The following OXR1 variants were observed in gnomAD, a reference collection of about 807,000 sequenced individuals.
OXR1 encodes oxidation resistance 1, also known as oxidation resistance protein 1.
OXR1 carries 41 observed loss-of-function variants against 104.6 expected under a neutral mutation model. The observed-to-expected ratio is 0.39, with a 90% CI of 0.31 to 0.51. The LOEUF (loss-of-function observed/expected upper bound fraction) is 0.51. OXR1 is among the 20% of genes least tolerant of loss of function. The probability of loss-of-function intolerance (pLI) is 0.77; values close to 1 mark genes in which losing one functional copy is unlikely to be tolerated. For missense variants in OXR1, 955 were observed against 1,031.9 expected (o/e 0.93, Z 1.02); for synonymous variants, 348 against 348.4 (o/e 1.00, Z 0.01).
chr8:106,722,466 C>A (rs796494603), intron 11 of OXR1, among the ~76,000 whole-genome samples: 8 of 152,214 alleles, frequency 5.3e-5, no homozygotes, highest in African/African-American at 1.9e-4. Flanking sequence ...TAGGTACTGA[C>A]TTTCATAATA....
intron 16 of OXR1, among the ~76,000 whole-genome samples, chr8:106,748,261 A>G (rs1470790458): frequency 1.3e-5 from 2 of 152,194 alleles, no homozygotes; most frequent in South Asian, 2.1e-4. Context: ...TTGAACCTTA[A>G]CAAATGATGG....
chr8:106,728,207 T>C (rs1050286396), intron 11 of OXR1, among the ~76,000 whole-genome samples: 2 of 142,692 alleles, frequency 1.4e-5, no homozygotes, highest in African/African-American at 5.3e-5. Context: ...GCTCTTATGC[T>C]TCTAAACTGG....
chr8:106,349,828 C>A (rs2130303431), intron 1 of OXR1, among the ~76,000 whole-genome samples: 1 of 152,184 alleles, frequency 6.6e-6, no homozygotes, highest in Non-Finnish European at 1.5e-5. Flanking sequence ...TATAGAGGCA[C>A]AGGTGCACTC....
intron 2 of OXR1, among the ~76,000 whole-genome samples, chr8:106,449,453 T>A (rs532402005): frequency 1.3e-5 from 2 of 152,220 alleles, no homozygotes. Context: ...TATTGTTGAA[T>A]GTAGGCTACA....
At chr8:106,615,806 C>A (rs1289279580) in intron 3 of OXR1, among the ~76,000 whole-genome samples, 1 of 152,084 alleles carries the variant, frequency 6.6e-6, no homozygotes, top group Non-Finnish European at 1.5e-5. Flanking sequence ...CTATACATAG[C>A]GTGCTTGGCA....
At chr8:106,671,087 A>G (rs1262557216) in intron 3 of OXR1, among the ~76,000 whole-genome samples, 1 of 149,206 alleles carries the variant, frequency 6.7e-6, no homozygotes, top group East Asian at 1.9e-4. Context: ...CGTCCAAACT[A>G]AAGAAAAACT....
chr8:106,334,983 G>C (rs1814895870), intron 1 of OXR1, among the ~76,000 whole-genome samples: 1 of 151,722 alleles, frequency 6.6e-6, no homozygotes, highest in African/African-American at 2.4e-5. Context: ...TACCTCCCCT[G>C]CTTCTTCTGA....
chr8:106,722,805 T>C (rs1359772925), intron 11 of OXR1, among the ~76,000 whole-genome samples: 2 of 152,182 alleles, frequency 1.3e-5, no homozygotes. Context: ...ATCCCTGTCA[T>C]TATGTGATAT....
intron 1 of OXR1, among the ~76,000 whole-genome samples, chr8:106,307,119 C>T (rs570497535): frequency 6.6e-6 from 1 of 152,238 alleles, no homozygotes; most frequent in South Asian, 2.1e-4. Flanking sequence ...CATCAAGAAA[C>T]AGCATTTTAT....
At chr8:106,568,370 T>C (rs565444668) in intron 3 of OXR1, among the ~76,000 whole-genome samples, 7 of 152,158 alleles carry the variant, frequency 4.6e-5, no homozygotes, top group Non-Finnish European at 1.0e-4. Context: ...TTTTCTTATA[T>C]TCCATCATTT....
chr8:106,412,273 C>T (rs1017953639), intron 2 of OXR1, among the ~76,000 whole-genome samples: 2 of 152,028 alleles, frequency 1.3e-5, no homozygotes, highest in African/African-American at 4.8e-5. Context: ...CAGTTGTATT[C>T]AGTAGCACAA....
intron 3 of OXR1, among the ~76,000 whole-genome samples, chr8:106,544,469 TC>T (rs1463208714): frequency 6.6e-6 from 1 of 152,226 alleles, no homozygotes; most frequent in Non-Finnish European, 1.5e-5. Flanking sequence ...ATGGAAATGT[TC>T]TTTACAGTAT....
intron 3 of OXR1, among the ~76,000 whole-genome samples, chr8:106,529,439 A>AT (rs1032911782): frequency 2.0e-5 from 3 of 152,062 alleles, no homozygotes; most frequent in African/African-American, 7.2e-5. Flanking sequence ...GATAAATTAG[A>AT]TTTTTTTTAA....
chr8:106,470,279 A>G lies in OXR1; in HGVS notation c.24-48664A>G, dbSNP rs557031425. On this transcript the variant is annotated intron_variant, in intron 2 of 16. Coordinates refer to ENST00000517566, the MANE Select transcript of OXR1 (RefSeq NM_001198533.2). ...AGTACATACATCCTATGAAGTTTGTATATTAAAAACCAGAAGATGCACTAC... is the reference window on the plus strand; with the variant it reads ...AGTACATACATCCTATGAAGTTTGTGTATTAAAAACCAGAAGATGCACTAC... Among the ~76,000 whole-genome samples the G allele has an allele frequency of 3.9e-5, 6 of 151,992 alleles. No homozygotes were observed. In the South Asian group the frequency reaches 1.2e-3, roughly 31 times the overall value.
chr8:106,579,701 G>A (rs1818099871), intron 3 of OXR1, among the ~76,000 whole-genome samples: 1 of 152,020 alleles, frequency 6.6e-6, no homozygotes, highest in Admixed American at 6.6e-5. Context: ...TAGCTAAGGA[G>A]GGGAGCCAGG....
At chr8:106,572,943 C>T (rs565280165) in intron 3 of OXR1, among the ~76,000 whole-genome samples, 9 of 152,212 alleles carry the variant, frequency 5.9e-5, no homozygotes, top group African/African-American at 1.7e-4. Flanking sequence ...AATGGAGACC[C>T]AGGAGAGCTG....
At chr8:106,621,277 C>T (rs1231467630) in intron 3 of OXR1, among the ~76,000 whole-genome samples, 1 of 151,896 alleles carries the variant, frequency 6.6e-6, no homozygotes, top group Non-Finnish European at 1.5e-5. Context: ...AAAGTGAGAC[C>T]CCTGTCTCTA....
chr8:106,377,520 G>C (rs761365837), intron 2 of OXR1, among the ~76,000 whole-genome samples: 1 of 152,070 alleles, frequency 6.6e-6, no homozygotes, highest in Non-Finnish European at 1.5e-5. Flanking sequence ...TATATTTGAC[G>C]CAATCAGGGT....
chr8:106,706,559 T>A lies in OXR1; in HGVS notation c.1038T>A (p.Pro346=), dbSNP rs560906660. 1.2e-6 allele frequency: 2 copies of A among 1,611,042 alleles called. No homozygotes were observed. The highest frequency in any genetic ancestry group is 1.7e-6 in the Non-Finnish European group (2 of 1,179,260). Residue 346 remains proline, a synonymous_variant, in exon 9 of 17, where the codon CCT becomes CCA. Transcript: ENST00000517566. ...TGTTCACAGAATCAGAACTTTCCCCTATACGAGAGGAGCTTGTATCTTCAG... is the reference window on the plus strand; with the variant it reads ...TGTTCACAGAATCAGAACTTTCCCCAATACGAGAGGAGCTTGTATCTTCAG... ...EDVFTESELS[P]IREELVSSDE... is the part of the protein sequence containing the mutation.
Sources: gnomAD v4.1 joint callset for allele counts (sites outside exome capture counted in the v4.1 genomes callset) on GRCh38, gnomAD v4.1.1 for gene constraint, MANE v1.5 for transcripts, NCBI Gene and HGNC (gene_info 2026-07-23, HGNC 2026-07-21) for gene names.